The following CTNNA3 variants were observed in gnomAD, a reference collection of about 807,000 sequenced individuals.
The protein encoded by CTNNA3 is catenin alpha-3.
CTNNA3 carries 76 observed loss-of-function variants against 95.7 expected under a neutral mutation model. The observed-to-expected ratio is 0.79, with a 90% CI of 0.66 to 0.96. The LOEUF is 0.96. Ranked by LOEUF, CTNNA3 falls within the 40% of genes least tolerant of loss-of-function variation. CTNNA3 has a pLI of 0.00. For synonymous variants in CTNNA3, 431 were observed against 374.4 expected, an observed-to-expected ratio of 1.15 and a Z score of -1.74; for missense variants, 1,191 against 1,089.8, an observed-to-expected ratio of 1.09 and a Z score of -1.31.
chr10:66,515,088 C>A (rs1840791864), intron 11 of CTNNA3, among the ~76,000 whole-genome samples: 1 of 152,034 alleles, frequency 6.6e-6, no homozygotes, highest in African/African-American at 2.4e-5. Context: ...CACATGTGAT[C>A]TTCCTCTGTG....
At chr10:65,997,038 A>G (rs1192110619) in intron 15 of CTNNA3, among the ~76,000 whole-genome samples, 2 of 151,682 alleles carry the variant, frequency 1.3e-5, no homozygotes, top group African/African-American at 2.4e-5. Flanking sequence ...TTTTAATCCC[A>G]TTATCTATTC....
At chr10:65,980,696 C>T (rs2078302724) in intron 16 of CTNNA3, among the ~76,000 whole-genome samples, 1 of 151,752 alleles carries the variant, frequency 6.6e-6, no homozygotes, top group African/African-American at 2.4e-5. Context: ...TCAACATCTG[C>T]AAGTCAATAA....
chr10:67,676,183 A>T (rs1324740410), intron 1 of CTNNA3, among the ~76,000 whole-genome samples: 1 of 152,146 alleles, frequency 6.6e-6, no homozygotes, highest in Non-Finnish European at 1.5e-5. Flanking sequence ...AAGAAGAGAA[A>T]GACCCAGGAA....
intron 9 of CTNNA3, among the ~76,000 whole-genome samples, chr10:66,685,613 C>T (rs558065384): frequency 7.7e-4 from 116 of 151,096 alleles, no homozygotes; most frequent in African/African-American, 2.7e-3. Flanking sequence ...ACCTCGTGAT[C>T]CGCCCACCTC....
chr10:67,072,693 T>A (rs989749732), intron 7 of CTNNA3, among the ~76,000 whole-genome samples: 1 of 152,194 alleles, frequency 6.6e-6, no homozygotes, highest in Non-Finnish European at 1.5e-5. Context: ...TATATCTTTA[T>A]CTTCTGGGCC....
intron 13 of CTNNA3, among the ~76,000 whole-genome samples, chr10:66,142,072 CG>C (rs1312498445): frequency 6.6e-6 from 1 of 151,944 alleles, no homozygotes; most frequent in Non-Finnish European, 1.5e-5. Context: ...GTACCTAAAA[CG>C]TCTTTGCCAA....
intron 6 of CTNNA3, among the ~76,000 whole-genome samples, chr10:67,203,320 G>A (rs1379156657): frequency 6.6e-6 from 1 of 152,156 alleles, no homozygotes; most frequent in Non-Finnish European, 1.5e-5. Context: ...TCTCTTGCCT[G>A]GCACCATGTA....
chr10:65,996,132 G>A (rs970672362), intron 15 of CTNNA3, among the ~76,000 whole-genome samples: 4 of 152,202 alleles, frequency 2.6e-5, no homozygotes, highest in African/African-American at 9.7e-5. Flanking sequence ...TGGCTCTCAG[G>A]CTCTTGGAAG....
chr10:67,215,249 T>TGACA (rs936110386), intron 6 of CTNNA3, among the ~76,000 whole-genome samples: 3 of 152,106 alleles, frequency 2.0e-5, no homozygotes, highest in Admixed American at 6.6e-5. Flanking sequence ...TGGTCAATTT[T>TGACA]GACAGTCTTT....
At chr10:66,106,866 TC>T (rs1474567517) in intron 13 of CTNNA3, among the ~76,000 whole-genome samples, 1 of 152,230 alleles carries the variant, frequency 6.6e-6, no homozygotes, top group Non-Finnish European at 1.5e-5. Context: ...TCCTTTAGAT[TC>T]TACACAGACA....
At chr10:66,172,557 TTTTTGA>T (rs1320767462) in intron 13 of CTNNA3, among the ~76,000 whole-genome samples, 1 of 152,202 alleles carries the variant, frequency 6.6e-6, no homozygotes, top group Non-Finnish European at 1.5e-5. Flanking sequence ...TTGTTATGAT[TTTTTGA>T]TTTTGATGAC....
intron 3 of CTNNA3, among the ~76,000 whole-genome samples, chr10:67,593,392 A>G (rs751326157): frequency 6.6e-6 from 1 of 152,168 alleles, no homozygotes; most frequent in Non-Finnish European, 1.5e-5. Flanking sequence ...ATCCATGAGC[A>G]TGGAATGTTT....
chr10:67,129,677 T>C (rs1052281684), intron 7 of CTNNA3, among the ~76,000 whole-genome samples: 3 of 152,178 alleles, frequency 2.0e-5, no homozygotes, highest in Non-Finnish European at 2.9e-5. Flanking sequence ...CCATTTACGT[T>C]TCTTTACTTC....
At chr10:66,934,104 CA>C (rs1847559235) in intron 7 of CTNNA3, among the ~76,000 whole-genome samples, 1 of 151,944 alleles carries the variant, frequency 6.6e-6, no homozygotes, top group African/African-American at 2.4e-5. Flanking sequence ...GATATAAGAC[CA>C]AGCAAGTACA....
intron 15 of CTNNA3, among the ~76,000 whole-genome samples, chr10:66,024,091 T>A (rs2079285325): frequency 7.6e-6 from 1 of 132,118 alleles, no homozygotes; most frequent in Non-Finnish European, 1.6e-5. Flanking sequence ...ACACATTTTT[T>A]TTTTTTTTTT....
chr10:67,052,036 T>C (rs1356457783), intron 7 of CTNNA3, among the ~76,000 whole-genome samples: 1 of 152,146 alleles, frequency 6.6e-6, no homozygotes, highest in African/African-American at 2.4e-5. Context: ...ATTACAGGCG[T>C]GAGCCACCAC....
At chr10:66,736,669 GTTA>G (rs1356446739) in intron 9 of CTNNA3, among the ~76,000 whole-genome samples, 3 of 151,894 alleles carry the variant, frequency 2.0e-5, no homozygotes, top group Middle Eastern at 3.4e-3. Context: ...TGAAATTATA[GTTA>G]TTATTTCCTA....
chr10:66,019,417 T>C (rs1309930716), intron 15 of CTNNA3, among the ~76,000 whole-genome samples: 2 of 152,058 alleles, frequency 1.3e-5, no homozygotes, highest in Non-Finnish European at 2.9e-5. Flanking sequence ...TGTTGAAGGA[T>C]ATAGAATAGA....
chr10:67,265,822 A>G (rs1866801984), intron 5 of CTNNA3, among the ~76,000 whole-genome samples: 1 of 152,188 alleles, frequency 6.6e-6, no homozygotes, highest in African/African-American at 2.4e-5. Context: ...ATAAGGAATC[A>G]AAGATTACTT....
Sources: allele counts gnomAD v4.1 joint callset (sites outside exome capture counted in the v4.1 genomes callset), GRCh38; gene constraint gnomAD v4.1.1; transcripts MANE v1.5; gene names NCBI Gene and HGNC (gene_info 2026-07-23, HGNC 2026-07-21).